SDCBP: variants seen among roughly 807,000 people sequenced by gnomAD.
The protein encoded by SDCBP is syntenin-1.
In SDCBP, 22 loss-of-function variants were observed where a neutral mutation model predicts 30.5. The observed-to-expected ratio is 0.72, with a 90% CI of 0.52 to 1.03. The LOEUF is 1.03. SDCBP is among the 50% of genes least tolerant of loss of function. The pLI is 0.00. For synonymous variants in SDCBP, 103 were observed against 118.7 expected, an observed-to-expected ratio of 0.87 and a Z score of 0.86; for missense variants, 304 against 369.9, an observed-to-expected ratio of 0.82 and a Z score of 1.46.
intron 1 of SDCBP, among the ~76,000 whole-genome samples, chr8:58,559,212 CCACTT>C (rs1683829435): frequency 6.6e-6 from 1 of 152,104 alleles, no homozygotes; most frequent in Admixed American, 6.5e-5. Flanking sequence ...AGTTAGGAAA[CCACTT>C]CATTTTTCAT....
At chr8:58,572,062 G>T (rs1805057350) in intron 3 of SDCBP, 143 bp from the exon 4 acceptor site, 1 of 574,896 alleles carries the variant, frequency 1.7e-6, no homozygotes, top group African/African-American at 1.9e-5. Flanking sequence ...ATGGGGAGAT[G>T]CCTTTCCAAA....
Position 58,578,191 on chromosome 8 carries a change from C to T in SDCBP, c.561C>T (p.Thr187=). 4 of 1,567,008 alleles carry T rather than the reference C, an allele frequency of 2.6e-6. No homozygotes were observed. Among genetic ancestry groups the T allele is most frequent in the South Asian group, 1.2e-5 (1 of 84,600 alleles). ...AACAGGCTTTTGGAGAGAAGATTAC[C>T]ATGACCATTCGTGACAGGTAAGCTG... The part of the protein sequence containing the change: ...VLKQAFGEKI[T]MTIRDRPFER... The change falls in exon 6 of 9, where the codon ACC becomes ACT. Residue 187 remains threonine, a synonymous_variant. Coordinates refer to ENST00000260130, the MANE Select transcript of SDCBP (RefSeq NM_005625.4).
At chr8:58,572,008 A>G (rs566692511) in intron 3 of SDCBP, among the ~76,000 whole-genome samples, 197 bp from the exon 4 acceptor site, 60 of 152,286 alleles carry the variant, frequency 3.9e-4, no homozygotes, top group Non-Finnish European at 6.2e-4. Context: ...TATTTTACGA[A>G]TTTTAAACAT....
intron 1 of SDCBP, among the ~76,000 whole-genome samples, chr8:58,556,947 AATAT>A (rs1248370037): frequency 8.5e-6 from 1 of 117,620 alleles, no homozygotes; most frequent in Non-Finnish European, 1.7e-5. Context: ...ATTTATGAAT[AATAT>A]ATAATGATTT....
intron 2 of SDCBP, among the ~76,000 whole-genome samples, chr8:58,567,208 G>A (rs10504256): frequency 0.34 from 52,140 of 151,900 alleles, 9,138 homozygotes; most frequent in East Asian, 0.55. Flanking sequence ...ACTTAAAATT[G>A]GGTTACATCC....
chr8:58,582,787 AT>A lies in SDCBP; in HGVS notation c.*1054del, dbSNP rs556672357. On this transcript the variant is annotated 3_prime_UTR_variant, in exon 9 of 9. Coordinates refer to ENST00000260130, the MANE Select transcript of SDCBP (RefSeq NM_005625.4). ...AAATGATAGTTGACACTTTATCCTG[AT>A]TTTTTTCTTCTTTTTGGTTTATGTC... 189 of 152,618 alleles carry A rather than the reference AT, an allele frequency of 1.2e-3. 1 individual carries two copies. Among genetic ancestry groups the A allele is most frequent in the African/African-American group, 4.3e-3 (178 of 41,542 alleles). The allele number at this position is 152,618 out of a possible 1,614,324, so 9.5% of individuals were successfully genotyped here. A position where few individuals can be genotyped will look rare whatever the true frequency, so the allele number is the denominator to read the frequency against.
rs929319503 is a variant in SDCBP, at chr8:58,582,754, TGC to T, written c.*1015_*1016del. 2.2e-4 allele frequency: 33 copies of T among 152,794 alleles called. No individual in the cohort carries two copies. Among genetic ancestry groups the T allele is most frequent in the African/African-American group, 7.9e-4 (33 of 41,592 alleles). 9.5% of individuals were successfully genotyped at this position (152,794 alleles called of 1,614,324 possible). ...CTTGTTCCTTTTCCTGACTCCTCCT[TGC>T]AAACAAAATGATAGTTGACACTTTA... On this transcript the variant is annotated 3_prime_UTR_variant, in exon 9 of 9. Coordinates refer to ENST00000260130, the MANE Select transcript of SDCBP (RefSeq NM_005625.4).
chr8:58,556,686 C>G (rs994559526), intron 1 of SDCBP, among the ~76,000 whole-genome samples: 14 of 151,488 alleles, frequency 9.2e-5, no homozygotes, highest in Non-Finnish European at 2.1e-4. Context: ...AACTAGAATT[C>G]CAAAATATCA....
intron 2 of SDCBP, among the ~76,000 whole-genome samples, chr8:58,565,604 C>T (rs946279684): frequency 3.9e-5 from 6 of 152,080 alleles, no homozygotes; most frequent in Non-Finnish European, 7.4e-5. Flanking sequence ...TGTTCATTCT[C>T]TAAATGACTG....
At position 58,582,516 on chromosome 8, in the gene SDCBP, G is replaced by C. The variant is rs182846496; in HGVS notation, c.*776G>C. ...TGAGATTTTTTAGTCAACACATAAT[G>C]GAAACTTCTTTCTTCTAAAAGTTGC... On this transcript the variant is annotated 3_prime_UTR_variant, in exon 9 of 9. Transcript: ENST00000260130. The C allele has an allele frequency of 1.3e-5, 2 of 152,526 alleles. No individual in the cohort carries two copies. Among genetic ancestry groups the C allele is most frequent in the Non-Finnish European group, 2.9e-5 (2 of 68,012 alleles). The allele number at this position is 152,526 out of a possible 1,614,324, so 9.4% of individuals were successfully genotyped here.
chr8:58,572,329 ATTAATT>A lies in SDCBP; in HGVS notation c.240+18_240+23del. 1 of 1,477,476 alleles carries A rather than the reference ATTAATT, an allele frequency of 6.8e-7. No homozygotes were observed. The allele number at this position is 1,477,476 out of a possible 1,614,324, so 91.5% of individuals were successfully genotyped here. A position where few individuals can be genotyped will look rare whatever the true frequency, so the allele number is the denominator to read the frequency against. On this transcript the variant is annotated intron_variant, in intron 4 of 8. Transcript: ENST00000260130. ...CACTTCAGGGGGTATGTATAGTGTA[ATTAATT>A]TTGATTTATATAAAATCATACTTTA...
intron 4 of SDCBP, among the ~76,000 whole-genome samples, chr8:58,574,220 A>C (rs1563512807): frequency 6.6e-6 from 1 of 152,152 alleles, no homozygotes; most frequent in Non-Finnish European, 1.5e-5. Flanking sequence ...TATGATACTA[A>C]TTACCCTTCT....
At chr8:58,566,991 A>G (rs1804736171) in intron 2 of SDCBP, among the ~76,000 whole-genome samples, 1 of 152,214 alleles carries the variant, frequency 6.6e-6, no homozygotes, top group Non-Finnish European at 1.5e-5. Context: ...ATAATGATAT[A>G]CAGAACCAGA....
chr8:58,568,710 T>C lies in SDCBP; in HGVS notation c.52-2177T>C, dbSNP rs547949457. Among the ~76,000 whole-genome samples the C allele has an allele frequency of 5.3e-5, 8 of 152,302 alleles. No individual in the cohort carries two copies. In the South Asian group the frequency reaches 1.7e-3, roughly 32 times the overall value. Reference sequence around the variant, plus strand: ...TAGACAGTAGGAATTTTTTAGCTCTTTTATAATCTCATGGGACCACTATTG... The same window carrying C: ...TAGACAGTAGGAATTTTTTAGCTCTCTTATAATCTCATGGGACCACTATTG... On this transcript the variant is annotated intron_variant, in intron 2 of 8. Coordinates refer to ENST00000260130, the MANE Select transcript of SDCBP (RefSeq NM_005625.4).
chr8:58,563,537 T>C (rs976986908), intron 1 of SDCBP, among the ~76,000 whole-genome samples: 1 of 151,896 alleles, frequency 6.6e-6, no homozygotes, highest in Non-Finnish European at 1.5e-5. Context: ...TTATATACTT[T>C]GAAAGGCTGA....
In SDCBP at chr8:58,578,224, A is replaced by G; in HGVS notation, c.578+16A>G. 6.7e-7 allele frequency: 1 copy of G among 1,487,016 alleles called. No individual in the cohort carries two copies. Among genetic ancestry groups the G allele is most frequent in the Non-Finnish European group, 8.9e-7 (1 of 1,118,706 alleles). The allele number at this position is 1,487,016 out of a possible 1,614,324, so 92.1% of individuals were successfully genotyped here. On this transcript the variant is annotated intron_variant, in intron 6 of 8. Coordinates refer to ENST00000260130, the MANE Select transcript of SDCBP (RefSeq NM_005625.4). Reference sequence around the variant, plus strand: ...TTCGTGACAGGTAAGCTGTTACTAAACAGCTCAAATGAAAATTCAATACTA... The same window carrying G: ...TTCGTGACAGGTAAGCTGTTACTAAGCAGCTCAAATGAAAATTCAATACTA...
intron 1 of SDCBP, among the ~76,000 whole-genome samples, chr8:58,562,985 TTGAATCC>T (rs1269224868): frequency 1.1e-4 from 16 of 152,336 alleles, no homozygotes; most frequent in African/African-American, 3.8e-4. Flanking sequence ...CATTCATATG[TTGAATCC>T]TGTAATCATC....
intron 2 of SDCBP, 108 bp from the exon 3 acceptor site, chr8:58,570,776 ATCT>A (rs1804969190): frequency 8.6e-6 from 6 of 698,468 alleles, no homozygotes; most frequent in Non-Finnish European, 1.2e-5. Flanking sequence ...TCTTACATAA[ATCT>A]TCATTGTTTT....
intron 1 of SDCBP, among the ~76,000 whole-genome samples, chr8:58,556,218 G>A (rs1049800424): frequency 6.6e-6 from 1 of 152,234 alleles, no homozygotes; most frequent in African/African-American, 2.4e-5. Context: ...GGACGGGATA[G>A]GTGGATGGCT....
Sources: gnomAD v4.1 joint callset for allele counts (sites outside exome capture counted in the v4.1 genomes callset) on GRCh38, gnomAD v4.1.1 for gene constraint, MANE v1.5 for transcripts, NCBI Gene and HGNC (gene_info 2026-07-23, HGNC 2026-07-21) for gene names.